The following ZNF723 variants were observed in gnomAD, a reference collection of about 807,000 sequenced individuals.
The protein encoded by ZNF723 is zinc finger protein 723, pseudogene.
Under a neutral mutation model 9.4 loss-of-function variants are expected in ZNF723, and 5 were observed. The observed-to-expected ratio is 0.53, with a 90% CI of 0.28 to 1.12. ZNF723 has a LOEUF of 1.12. ZNF723 is among the 50% of genes most tolerant of loss of function. The pLI is 0.10. For missense variants in ZNF723, 450 were observed against 501.5 expected (o/e 0.90, Z 0.98); for synonymous variants, 158 against 168.8 (o/e 0.94, Z 0.49).
intron 1 of ZNF723, among the ~76,000 whole-genome samples, chr19:22,845,889 C>CT (rs1214348571): frequency 0.15 from 18,901 of 124,338 alleles, 1,473 homozygotes; most frequent in East Asian, 0.19. Context: ...AAAAATATGC[C>CT]TTTTTTTTTT....
chr19:22,814,089 G>A, the ZNF723 span, among the ~76,000 whole-genome samples: 1 of 152,094 alleles, frequency 6.6e-6, no homozygotes, highest in Non-Finnish European at 1.5e-5. Context: ...TGGGATTATA[G>A]GTGTAAGCCA....
chr19:22,814,788 C>G, the ZNF723 span, among the ~76,000 whole-genome samples: 6 of 152,136 alleles, frequency 3.9e-5, no homozygotes, highest in African/African-American at 1.2e-4. Context: ...GGAATTGTGG[C>G]ATATCACTGA....
chr19:22,822,592 G>A, the ZNF723 span, among the ~76,000 whole-genome samples: 1 of 152,152 alleles, frequency 6.6e-6, no homozygotes, highest in Non-Finnish European at 1.5e-5. Flanking sequence ...GCTGGGGGCA[G>A]TGGCGCATGC....
intron 3 of ZNF723, among the ~76,000 whole-genome samples, chr19:22,850,332 G>A (rs1276078547): frequency 2.1e-5 from 3 of 143,756 alleles, no homozygotes; most frequent in Non-Finnish European, 4.6e-5. Context: ...TCAGCCTCCC[G>A]AGTAGCTGGG....
At chr19:22,847,177 G>A (rs1967324801) in intron 1 of ZNF723, among the ~76,000 whole-genome samples, 1 of 151,740 alleles carries the variant, frequency 6.6e-6, no homozygotes, top group Non-Finnish European at 1.5e-5. Flanking sequence ...CTAGGTTCAA[G>A]CAATTCCCCT....
At chr19:22,837,285 A>AG (rs1183124219) in intron 1 of ZNF723, among the ~76,000 whole-genome samples, 1 of 151,748 alleles carries the variant, frequency 6.6e-6, no homozygotes, top group East Asian at 1.9e-4. Context: ...TTAAAAAAAA[A>AG]AAAAAAGAAA....
At chr19:22,814,951 C>T in the ZNF723 span, among the ~76,000 whole-genome samples, 1 of 152,068 alleles carries the variant, frequency 6.6e-6, no homozygotes, top group Non-Finnish European at 1.5e-5. Context: ...GTCACTGGGC[C>T]TATCACCTAG....
At chr19:22,841,735 A>G (rs1393311732) in intron 1 of ZNF723, among the ~76,000 whole-genome samples, 2 of 152,178 alleles carry the variant, frequency 1.3e-5, no homozygotes, top group Non-Finnish European at 2.9e-5. Flanking sequence ...CAGAAACCCA[A>G]TCAGAGTAAC....
At chr19:22,818,776 T>C in the ZNF723 span, among the ~76,000 whole-genome samples, 1 of 152,012 alleles carries the variant, frequency 6.6e-6, no homozygotes, top group Non-Finnish European at 1.5e-5. Flanking sequence ...TTTTCTCCCT[T>C]GGTGCTGTTT....
At chr19:22,837,763 G>A (rs1004616394) in intron 1 of ZNF723, among the ~76,000 whole-genome samples, 3 of 152,088 alleles carry the variant, frequency 2.0e-5, no homozygotes, top group African/African-American at 7.2e-5. Flanking sequence ...GCCCTTCCAG[G>A]ACTAGGCACC....
At chr19:22,840,362 G>T (rs1166882274) in intron 1 of ZNF723, 1 of 149,520 alleles carries the variant, frequency 6.7e-6, no homozygotes, top group Admixed American at 6.7e-5. Flanking sequence ...GTATAGGCAG[G>T]GTTTCACCAT....
upstream of ZNF723, among the ~76,000 whole-genome samples, chr19:22,828,892 G>T (rs1967064622): frequency 6.6e-6 from 1 of 152,016 alleles, no homozygotes; most frequent in Non-Finnish European, 1.5e-5. Context: ...TAAATAATAG[G>T]CCAGACACGG....
In ZNF723 at chr19:22,849,234, TG is replaced by T; in HGVS notation, c.169del (p.Glu57SerfsTer9). On this transcript the variant is annotated frameshift_variant, in exon 3 of 4. Coordinates refer to ENST00000600766, the MANE Select transcript of ZNF723 (RefSeq NM_001349726.2). LOFTEE classifies it high-confidence loss of function. ...GVSKPDLITC[L>X]EQGKEPWNMK... is the part of the protein sequence containing the mutation. ...TCTAAGCCAGATTTAATCACCTGTC[TG>T]GAGCAAGGAAAAGAGCCCTGGAATA... The T allele has an allele frequency of 1.5e-6, 1 of 656,786 alleles. No homozygotes were observed. The highest frequency in any genetic ancestry group is 2.8e-6 in the Non-Finnish European group (1 of 360,256). 40.7% of individuals were successfully genotyped at this position (656,786 alleles called of 1,614,324 possible).
intron 1 of ZNF723, among the ~76,000 whole-genome samples, chr19:22,839,605 C>A (rs1022650524): frequency 3.6e-4 from 55 of 151,850 alleles, no homozygotes; most frequent in African/African-American, 1.3e-3. Context: ...TCCTGAACAG[C>A]TGGGATTACA....
chr19:22,857,062 G>GT (rs1967488956), intron 3 of ZNF723, 56 bp from the exon 4 acceptor site: 6 of 655,486 alleles, frequency 9.2e-6, no homozygotes, highest in Non-Finnish European at 1.6e-5. Context: ...GATTTGTAAA[G>GT]TATATCCATC....
chr19:22,844,657 C>A (rs1967285707), intron 1 of ZNF723, among the ~76,000 whole-genome samples: 1 of 152,168 alleles, frequency 6.6e-6, no homozygotes, highest in South Asian at 2.1e-4. Context: ...AAAGAACCAG[C>A]AAAGAATTTG....
At chr19:22,830,031 T>A (rs952887835), upstream of ZNF723, among the ~76,000 whole-genome samples, 2 of 147,126 alleles carry the variant, frequency 1.4e-5, no homozygotes, top group African/African-American at 2.6e-5. Context: ...TTAAATTTAA[T>A]TTCTCTAAAG....
chr19:22,843,594 T>G (rs1039424955), intron 1 of ZNF723, among the ~76,000 whole-genome samples: 11 of 152,222 alleles, frequency 7.2e-5, no homozygotes, highest in Admixed American at 7.2e-4. Context: ...GACTAGCAAC[T>G]GAATAAAGGG....
chr19:22,828,568 G>C (rs12971932), upstream of ZNF723, among the ~76,000 whole-genome samples: 8 of 151,968 alleles, frequency 5.3e-5, no homozygotes, highest in Non-Finnish European at 1.2e-4. Flanking sequence ...CAAGAGAATC[G>C]CTTGAACCCA....
Sources: allele counts gnomAD v4.1 joint callset (sites outside exome capture counted in the v4.1 genomes callset), GRCh38; gene constraint gnomAD v4.1.1; transcripts MANE v1.5; gene names NCBI Gene and HGNC (gene_info 2026-07-23, HGNC 2026-07-21).